TAP2: variants seen among roughly 807,000 people sequenced by gnomAD.
The protein encoded by TAP2 is antigen peptide transporter 2.
In TAP2, 49 loss-of-function variants were observed where a neutral mutation model predicts 74.7. That is an observed-to-expected ratio of 0.66 (90% confidence interval 0.52 to 0.83). The LOEUF (loss-of-function observed/expected upper bound fraction) is 0.83, where lower values mean the gene tolerates loss of function less well. TAP2 is among the 40% of genes least tolerant of loss of function. The pLI is 0.00. For synonymous variants in TAP2, 306 were observed against 368.4 expected (o/e 0.83, Z 1.94); for missense variants, 739 against 859.0 (o/e 0.86, Z 1.75).
chr6:32,834,577 C>A (rs41317090), intron 5 of TAP2, among the ~76,000 whole-genome samples: 3,530 of 152,208 alleles, frequency 0.023, 81 homozygotes, highest in Non-Finnish European at 0.041. Context: ...ATGATGGTTA[C>A]CCAATAACAA....
Position 32,835,397 on chromosome 6 carries a change from T to C in TAP2, c.740-38A>G, listed in dbSNP as rs774160398. On this transcript the variant is annotated intron_variant, in intron 4 of 11. Coordinates refer to ENST00000374897, the MANE Select transcript of TAP2 (RefSeq NM_001290043.2). This position sits in a 1 kb window ranked among gnomAD's most constrained non-coding sequence, Gnocchi z 4.0. ...GAGCAGGTGAGGAAAAAGGAAACCA[T>C]GTGTACTGCAGGGCCCCCAGAAACT... The C allele has an allele frequency of 7.5e-6, 12 of 1,608,596 alleles. No homozygotes were observed. In the African/African-American group the frequency reaches 1.6e-4, roughly 22 times the overall value.
chr6:32,821,878 T>G (rs1768305741), downstream of TAP2: 1 of 188,674 alleles, frequency 5.3e-6, no homozygotes, highest in East Asian at 1.5e-4. Flanking sequence ...GCTAAGAATT[T>G]TGCCAGCTCA....
intron 5 of TAP2, among the ~76,000 whole-genome samples, chr6:32,834,707 C>T (rs1270201521): frequency 6.6e-6 from 1 of 152,208 alleles, no homozygotes; most frequent in Non-Finnish European, 1.5e-5. Context: ...GACATTCAGA[C>T]TTAGGACTTC....
chr6:32,834,725 C>G (rs556936897), intron 5 of TAP2, among the ~76,000 whole-genome samples: 3 of 152,204 alleles, frequency 2.0e-5, no homozygotes, highest in African/African-American at 2.4e-5. Flanking sequence ...TTCCTGATGA[C>G]GCCTCCTTTC....
At chr6:32,831,147 A>G (rs1268993165) in intron 7 of TAP2, among the ~76,000 whole-genome samples, 1 of 152,006 alleles carries the variant, frequency 6.6e-6, no homozygotes, top group Non-Finnish European at 1.5e-5. Context: ...TGCCCAACTC[A>G]CCTTTGTAGC....
Position 32,830,823 on chromosome 6 carries a change from G to C in TAP2, c.1273-17C>G. 3 of 1,599,320 alleles carry C rather than the reference G, an allele frequency of 1.9e-6. No individual in the cohort carries two copies. The highest frequency in any genetic ancestry group is 2.6e-6 in the Non-Finnish European group (3 of 1,172,946). ...TACCAGGGTCTGGAAAACAGGAATG[G>C]GAGAGCCGGCTAATTAAACACACTT... On this transcript the variant is annotated splice_polypyrimidine_tract_variant and intron_variant, in intron 7 of 11. Transcript: ENST00000374897.
chr6:32,833,614 C>T (rs1769229976), intron 5 of TAP2, among the ~76,000 whole-genome samples: 1 of 124,098 alleles, frequency 8.1e-6, no homozygotes, highest in Non-Finnish European at 1.8e-5. Context: ...ATTAGAATGG[C>T]TATTAAAAAA....
rs558989206 is a variant in TAP2, at chr6:32,835,798, G to T, written c.609-25C>A. 5.0e-6 allele frequency: 8 copies of T among 1,613,098 alleles called. No homozygotes were observed. In the African/African-American group the frequency reaches 1.1e-4, roughly 21 times the overall value. On this transcript the variant is annotated intron_variant, in intron 3 of 11. Transcript: ENST00000374897. The surrounding 1 kb of genome is among the most constrained non-coding windows in gnomAD (Gnocchi z 4.0). ...GCTGTGGGGTAGGAGAATAAGAGGG[G>T]AGGGAGATGCAGAGAAGGAGCAAGC...
chr6:32,829,370 CA>C lies in TAP2; in HGVS notation c.1932+29del, dbSNP rs750099232. 12 of 1,574,384 alleles carry C rather than the reference CA, an allele frequency of 7.6e-6. No individual in the cohort carries two copies. In the South Asian group the frequency reaches 1.4e-4, roughly 18 times the overall value. ...CTCCCAGCATGCCCCTCCCAGGCCC[CA>C]CTGTCCCCTGCCCTCTCACGGTACT... On this transcript the variant is annotated intron_variant, in intron 11 of 11. Transcript: ENST00000374897.
At chr6:32,825,148 G>GA (rs1768560979), downstream of TAP2, among the ~76,000 whole-genome samples, 3 of 96,838 alleles carry the variant, frequency 3.1e-5, no homozygotes, top group African/African-American at 1.0e-4. Context: ...ATATATATAT[G>GA]GAGAAACAGA....
chr6:32,821,962 G>A (rs73410774), downstream of TAP2: 1 of 298,424 alleles, frequency 3.4e-6, no homozygotes, highest in Admixed American at 4.9e-5. Flanking sequence ...GAGGGGAAGG[G>A]GCTGGGGAAG....
chr6:32,831,717 CTT>C (rs759671896), intron 7 of TAP2, among the ~76,000 whole-genome samples: 1 of 152,116 alleles, frequency 6.6e-6, no homozygotes, highest in Non-Finnish European at 1.5e-5. Context: ...GCAAGGGAAA[CTT>C]TTAGACAGAT....
At chr6:32,825,133 C>CATATATATATATATAT (rs28986262), downstream of TAP2, among the ~76,000 whole-genome samples, 1 of 130,520 alleles carries the variant, frequency 7.7e-6, no homozygotes, top group South Asian at 2.2e-4. Flanking sequence ...TGGTTATATA[C>CATATATATATATATAT]ATATATATAT....
chr6:32,826,846 A>G lies in TAP2; in HGVS notation c.*2060T>C. On this transcript the variant is annotated 3_prime_UTR_variant, in exon 12 of 12. Transcript: ENST00000374897. The stretch of plus-strand genomic sequence containing the variant: ...AGGAAATCAAAGAATTTCTCAGATC[A>G]TCTTCTTCTGTGAGGGCTGCAGCTT... 2 of 985,446 alleles carry G rather than the reference A, an allele frequency of 2.0e-6. No homozygotes were observed. The highest frequency in any genetic ancestry group is 4.7e-5 in the South Asian group (1 of 21,288). The allele number at this position is 985,446 out of a possible 1,614,324, so 61.0% of individuals were successfully genotyped here. A position where few individuals can be genotyped will look rare whatever the true frequency, so the allele number is the denominator to read the frequency against.
chr6:32,832,753 CA>C lies in TAP2; in HGVS notation c.1016del (p.Leu339ArgfsTer41). 1 of 1,613,120 alleles carries C rather than the reference CA, an allele frequency of 6.2e-7. No homozygotes were observed. Among genetic ancestry groups the C allele is most frequent in the Non-Finnish European group, 8.5e-7 (1 of 1,180,038 alleles). On this transcript the variant is annotated frameshift_variant, in exon 6 of 12. Coordinates refer to ENST00000374897, the MANE Select transcript of TAP2 (RefSeq NM_001290043.2). LOFTEE classifies it high-confidence loss of function. The surrounding 1 kb of genome is among the most constrained non-coding windows in gnomAD (Gnocchi z 5.9). ...GQVVREAVGG[L>X]QTVRSFGAEE... The stretch of plus-strand genomic sequence containing the variant: ...CGGCCCCAAAACTGCGAACGGTCTG[CA>C]GCCCTCCAACGGCTTCCCGCACCAC...
At position 32,827,110 on chromosome 6, in the gene TAP2, T is replaced by C. The variant is rs1033747291; in HGVS notation, c.*1796A>G. ...CTCACTGCACCCTGCTCCCAACAGC[T>C]GCCAGGCAAGAAAAAATCCAAAACA... On this transcript the variant is annotated 3_prime_UTR_variant, in exon 12 of 12. Coordinates refer to ENST00000374897, the MANE Select transcript of TAP2 (RefSeq NM_001290043.2). 3.7e-5 allele frequency: 36 copies of C among 985,678 alleles called. No individual in the cohort carries two copies. Among genetic ancestry groups the C allele is most frequent in the Middle Eastern group, 5.2e-4 (1 of 1,936 alleles). 61.1% of individuals were successfully genotyped at this position (985,678 alleles called of 1,614,324 possible).
At position 32,835,268 on chromosome 6, in the gene TAP2, T is replaced by C; in HGVS notation, c.831A>G (p.Lys277=). ...GCATGAAGCCATACAGCCCCACCAC[T>C]TTCACCAGGCTTCGCAAGAGCACAT... ...NANVLLRSLV[K]VVGLYGFMLS... The change falls in exon 5 of 12, where the codon AAA becomes AAG. Residue 277 remains lysine, a synonymous_variant. Transcript: ENST00000374897. This position sits in a 1 kb window ranked among gnomAD's most constrained non-coding sequence, Gnocchi z 4.0. 1 of 1,613,048 alleles carries C rather than the reference T, an allele frequency of 6.2e-7. No homozygotes were observed. Among genetic ancestry groups the C allele is most frequent in the Non-Finnish European group, 8.5e-7 (1 of 1,180,034 alleles).
chr6:32,838,507 C>G (rs1005132928), intron 1 of TAP2, 146 bp downstream of exon 1: 3 of 395,292 alleles, frequency 7.6e-6, no homozygotes, highest in Non-Finnish European at 1.3e-5. Context: ...ACCCCCACCC[C>G]CGCCTGCCGC....
chr6:32,830,894 C>A (rs1769036030), intron 7 of TAP2, 88 bp from the exon 8 acceptor site: 1 of 1,101,334 alleles, frequency 9.1e-7, no homozygotes, highest in Non-Finnish European at 1.3e-6. Flanking sequence ...CCACTCACAA[C>A]TGCACTGCTC....
Sources: gnomAD v4.1 joint callset for allele counts (sites outside exome capture counted in the v4.1 genomes callset) on GRCh38, gnomAD v4.1.1 for gene constraint, Gnocchi (gnomAD v3.1) non-coding constraint, MANE v1.5 for transcripts, NCBI Gene and HGNC (gene_info 2026-07-23, HGNC 2026-07-21) for gene names.